The following PSMD14 variants were observed in gnomAD, a reference collection of about 807,000 sequenced individuals.
The protein encoded by PSMD14 is proteasome 26S subunit, non-ATPase 14.
In PSMD14, 7 loss-of-function variants were observed where a neutral mutation model predicts 41.2. The ratio of observed to expected loss-of-function variants is 0.17; its 90% CI spans 0.10 to 0.32. The LOEUF (loss-of-function observed/expected upper bound fraction) is 0.32, where lower values mean the gene tolerates loss of function less well. Ranked by LOEUF, PSMD14 falls within the 10% of genes least tolerant of loss-of-function variation. PSMD14 has a pLI of 1.00. For missense variants in PSMD14, 139 were observed against 375.6 expected, an observed-to-expected ratio of 0.37 and a Z score of 5.21; for synonymous variants, 114 against 122.3, an observed-to-expected ratio of 0.93 and a Z score of 0.45.
intron 9 of PSMD14, among the ~76,000 whole-genome samples, chr2:161,393,742 A>G (rs932512262): frequency 6.6e-6 from 1 of 151,984 alleles, no homozygotes; most frequent in Non-Finnish European, 1.5e-5. Context: ...GAATCATCCA[A>G]AGGGAAAAAA....
chr2:161,353,228 A>G (rs750584651), intron 3 of PSMD14, among the ~76,000 whole-genome samples: 1 of 152,144 alleles, frequency 6.6e-6, no homozygotes, highest in Non-Finnish European at 1.5e-5. Flanking sequence ...TTATCCTTCA[A>G]ATATTGTCTT....
chr2:161,410,586 T>C (rs748679496), intron 11 of PSMD14, among the ~76,000 whole-genome samples: 1 of 152,086 alleles, frequency 6.6e-6, no homozygotes. Context: ...ATTTTAAGCC[T>C]CCTTTTTAAC....
At chr2:161,361,184 A>G (rs1341636330) in intron 3 of PSMD14, among the ~76,000 whole-genome samples, 1 of 152,212 alleles carries the variant, frequency 6.6e-6, no homozygotes, top group Non-Finnish European at 1.5e-5. Context: ...TGGTGGTATA[A>G]CATGATATAG....
rs561616907 is a variant in PSMD14 at position 161,319,017 on chromosome 2, T to C, written c.48+144T>C. 3.0e-5 allele frequency: 16 copies of C among 538,280 alleles called. No individual in the cohort carries two copies. The South Asian group carries it at 5.2e-4, about 17-fold the overall frequency. The allele number at this position is 538,280 out of a possible 1,614,324, so 33.3% of individuals were successfully genotyped here. A position where few individuals can be genotyped will look rare whatever the true frequency, so the allele number is the denominator to read the frequency against. ...AATCTTACCTTATTGATGTTTGTTATCTTGCAACACTAGATAACATGTGGA... is the reference window on the plus strand; with the variant it reads ...AATCTTACCTTATTGATGTTTGTTACCTTGCAACACTAGATAACATGTGGA... On this transcript the variant is annotated intron_variant, in intron 3 of 11. Coordinates refer to ENST00000409682, the MANE Select transcript of PSMD14 (RefSeq NM_005805.6).
At chr2:161,366,005 T>C (rs1683352432) in intron 3 of PSMD14, among the ~76,000 whole-genome samples, 1 of 152,166 alleles carries the variant, frequency 6.6e-6, no homozygotes, top group African/African-American at 2.4e-5. Flanking sequence ...CCTTAATCTT[T>C]CTTAACTTTC....
Position 161,398,498 on chromosome 2 carries a change from T to TC in PSMD14, c.771+3297dup, listed in dbSNP as rs1683832533. 5.9e-5 allele frequency among the ~76,000 whole-genome samples: 9 copies of TC among 152,214 alleles called. No homozygotes were observed. In the South Asian group the frequency reaches 1.9e-3, roughly 32 times the overall value. On this transcript the variant is annotated intron_variant, in intron 10 of 11. Transcript: ENST00000409682. ...ACCACAACACCCACAGTTCTGTTAC[T>TC]CCAAGTCTCCTAATTTATTCATGCG...
chr2:161,389,930 A>G (rs577100757), intron 8 of PSMD14, among the ~76,000 whole-genome samples: 3 of 20,684 alleles, frequency 1.5e-4, no homozygotes, highest in Non-Finnish European at 3.2e-4. Flanking sequence ...GGGTATTGCT[A>G]TGTTGTCCAG....
chr2:161,340,708 A>C, intron 3 of PSMD14: 1 of 1,566,150 alleles, frequency 6.4e-7, no homozygotes, highest in East Asian at 2.3e-5. Flanking sequence ...GGCAGCATGC[A>C]CCCTGGGCGC....
chr2:161,317,703 G>A (rs1689161001), intron 2 of PSMD14, among the ~76,000 whole-genome samples: 1 of 152,108 alleles, frequency 6.6e-6, no homozygotes, highest in Non-Finnish European at 1.5e-5. Flanking sequence ...TGATTGGTGG[G>A]GGATAATATA....
At chr2:161,376,525 T>C (rs1683505115) in intron 7 of PSMD14, among the ~76,000 whole-genome samples, 1 of 151,974 alleles carries the variant, frequency 6.6e-6, no homozygotes, top group African/African-American at 2.4e-5. Context: ...AGGAATATGG[T>C]AATGACTACA....
In PSMD14 at chr2:161,371,247, T is replaced by C. The variant is rs1283997930; in HGVS notation, c.387T>C (p.Thr129=). ...GGCTTTCTGGTGTGGATATCAACAC[T>C]CAGCAGAGCTTTGAAGCCTTGTCGG... ...GCWLSGVDIN[T]QQSFEALSER... Residue 129 remains threonine, a synonymous_variant, in exon 7 of 12, where the codon ACT becomes ACC. Coordinates refer to ENST00000409682, the MANE Select transcript of PSMD14 (RefSeq NM_005805.6). 1.2e-6 allele frequency: 2 copies of C among 1,612,462 alleles called. No homozygotes were observed. The highest frequency in any genetic ancestry group is 1.3e-5 in the African/African-American group (1 of 74,896).
chr2:161,361,181 A>G (rs1335874092), intron 3 of PSMD14, among the ~76,000 whole-genome samples: 2 of 152,228 alleles, frequency 1.3e-5, no homozygotes, highest in African/African-American at 4.8e-5. Context: ...GGGTGGTGGT[A>G]TAACATGATA....
In PSMD14 at chr2:161,378,494, CT is replaced by C. The variant is rs760702275; in HGVS notation, c.463-6961del. ...CTATAGCATAGTAACCAAAAGTGCT[CT>C]TTTTTTTTGAGGTTTTCATTTCAAT... On this transcript the variant is annotated intron_variant, in intron 7 of 11. Coordinates refer to ENST00000409682, the MANE Select transcript of PSMD14 (RefSeq NM_005805.6). 6.8e-4 allele frequency among the ~76,000 whole-genome samples: 103 copies of C among 150,850 alleles called. 1 individual carries two copies. The highest frequency in any genetic ancestry group is 1.8e-3 in the African/African-American group (76 of 41,144).
In PSMD14 at chr2:161,339,495, AAT is replaced by A. The variant is rs1682917039; in HGVS notation, c.48+20623_48+20624del. On this transcript the variant is annotated intron_variant, in intron 3 of 11. Coordinates refer to ENST00000409682, the MANE Select transcript of PSMD14 (RefSeq NM_005805.6). ...TACTGGGTGGGTTATTTTGTTAATGAATTTTTTTTTTTTTTTTTTTTTGAGAT... is the reference window on the plus strand; with the variant it reads ...TACTGGGTGGGTTATTTTGTTAATGATTTTTTTTTTTTTTTTTTTTGAGAT... Among the ~76,000 whole-genome samples the A allele has an allele frequency of 3.7e-4, 39 of 106,624 alleles. 2 individuals are homozygous for A. In the South Asian group the frequency reaches 0.012, roughly 34 times the overall value. 69.9% of individuals were successfully genotyped at this position (106,624 alleles called of 152,430 possible).
chr2:161,411,348 C>T lies in PSMD14; in HGVS notation c.881C>T (p.Ser294Leu). The change falls in exon 12 of 12, where the codon TCA becomes TTA. Residue 294 changes from serine to leucine, a missense_variant. By Grantham distance (145) the Ser-to-Leu change is moderately radical (BLOSUM62 -2). Around this residue, in one of 4 missense-constraint regions of PSMD14, gnomAD observed 80 missense variants for 138.1 expected, o/e 0.58. Coordinates refer to ENST00000409682, the MANE Select transcript of PSMD14 (RefSeq NM_005805.6). ...LEEHVDVLMT[S>L]NIVQCLAAML... is the part of the protein sequence containing the mutation. ...GAACATGTGGATGTACTTATGACCT[C>T]AAATATTGTCCAGTGTTTAGCAGCT... The T allele has an allele frequency of 3.7e-6, 6 of 1,610,846 alleles. No individual in the cohort carries two copies.
chr2:161,372,622 T>A (rs1373185781), intron 7 of PSMD14, among the ~76,000 whole-genome samples: 1 of 151,800 alleles, frequency 6.6e-6, no homozygotes, highest in African/African-American at 2.4e-5. Flanking sequence ...TATATTTCAA[T>A]TTATTTACTT....
intron 3 of PSMD14, among the ~76,000 whole-genome samples, chr2:161,324,346 C>T (rs921599049): frequency 1.3e-5 from 2 of 152,016 alleles, no homozygotes; most frequent in African/African-American, 2.4e-5. Flanking sequence ...TTGTAAATAA[C>T]GTGATTTGTA....
At chr2:161,319,160 C>A in intron 3 of PSMD14, 1 of 290,414 alleles carries the variant, frequency 3.4e-6, no homozygotes, top group Non-Finnish European at 6.4e-6. Context: ...AAAAAAAAAC[C>A]CTCAAAATAG....
At chr2:161,381,502 T>C (rs1683569556) in intron 7 of PSMD14, 1 of 151,844 alleles carries the variant, frequency 6.6e-6, no homozygotes, top group Non-Finnish European at 1.5e-5. Flanking sequence ...AAAACAGCTT[T>C]GTATTAAACT....
Sources: allele counts gnomAD v4.1 joint callset (sites outside exome capture counted in the v4.1 genomes callset), GRCh38; gene constraint gnomAD v4.1.1; regional missense constraint gnomAD v4.1.1; transcripts MANE v1.5; gene names NCBI Gene and HGNC (gene_info 2026-07-23, HGNC 2026-07-21).